Variants in TECTB observed in about 807,000 individuals in gnomAD.
TECTB encodes tectorin beta, also known as beta-tectorin.
TECTB carries 45 observed loss-of-function variants against 43.3 expected under a neutral mutation model. The ratio of observed to expected loss-of-function variants is 1.04; its 90% CI spans 0.82 to 1.33. The LOEUF (loss-of-function observed/expected upper bound fraction) is 1.33. TECTB is among the 40% of genes most tolerant of loss of function. The probability of loss-of-function intolerance (pLI) is 0.00; values close to 1 mark genes in which losing one functional copy is unlikely to be tolerated. For synonymous variants in TECTB, 169 were observed against 156.7 expected, an observed-to-expected ratio of 1.08 and a Z score of -0.59; for missense variants, 399 against 404.7, an observed-to-expected ratio of 0.99 and a Z score of 0.12.
chr10:112,286,228 G>A lies in TECTB; in HGVS notation c.410+15G>A, dbSNP rs754152559. The A allele has an allele frequency of 2.7e-5, 44 of 1,614,154 alleles. No individual in the cohort carries two copies. Among genetic ancestry groups the A allele is most frequent in the Middle Eastern group, 1.7e-4 (1 of 6,058 alleles). ...TTTGACCAGAGGTAAGTTGCTGTGC[G>A]GCATGGAGGGCTGGCTGCCTCATGT... is the stretch of plus-strand genomic sequence containing the variant. On this transcript the variant is annotated intron_variant, in intron 4 of 10. Transcript: ENST00000646139.
intron 9 of TECTB, among the ~76,000 whole-genome samples, chr10:112,300,753 T>C (rs868276141): frequency 3.9e-5 from 6 of 152,212 alleles, no homozygotes; most frequent in Admixed American, 2.0e-4. Context: ...GCTCAACTAG[T>C]ATAATGCAAA....
chr10:112,303,598 C>A lies in TECTB; in HGVS notation c.*286C>A. 1 of 434,754 alleles carries A rather than the reference C, an allele frequency of 2.3e-6. No individual in the cohort carries two copies. Among genetic ancestry groups the A allele is most frequent in the Non-Finnish European group, 4.1e-6 (1 of 241,492 alleles). The allele number at this position is 434,754 out of a possible 1,614,324, so 26.9% of individuals were successfully genotyped here. A position where few individuals can be genotyped will look rare whatever the true frequency, so the allele number is the denominator to read the frequency against. On this transcript the variant is annotated 3_prime_UTR_variant, in exon 11 of 11. Coordinates refer to ENST00000646139, the MANE Select transcript of TECTB (RefSeq NM_058222.3). ...ACTCAAGTCAGGGCTGCAGTAAATT[C>A]CTTTGAAAGCTATTTTAACTTTAAA...
rs1464509921 is a variant in TECTB at position 112,284,617 on chromosome 10, G to A, written c.159G>A (p.Leu53=). The stretch of plus-strand genomic sequence containing the variant: ...CCTATGGATGGGAAGTTCATCAGCT[G>A]GCCCTCGGAGGGCTGTGTTACAATG... The part of the protein sequence containing the change: ...ECPYGWEVHQ[L]ALGGLCYNGV... The change falls in exon 3 of 11, where the codon CTG becomes CTA. Residue 53 remains leucine, a synonymous_variant. Transcript: ENST00000646139. The A allele has an allele frequency of 6.2e-7, 1 of 1,613,766 alleles. No homozygotes were observed. The highest frequency in any genetic ancestry group is 8.5e-7 in the Non-Finnish European group (1 of 1,179,846).
intron 5 of TECTB, among the ~76,000 whole-genome samples, chr10:112,288,989 C>G (rs909633684): frequency 1.3e-5 from 2 of 152,212 alleles, no homozygotes; most frequent in Non-Finnish European, 2.9e-5. Flanking sequence ...CTTGTTCCAT[C>G]ATTTACTAGT....
chr10:112,298,492 G>A (rs1012321730), intron 8 of TECTB, among the ~76,000 whole-genome samples: 2 of 152,186 alleles, frequency 1.3e-5, no homozygotes, highest in African/African-American at 2.4e-5. Context: ...TAAGCAAAGT[G>A]TGTTAAGTAA....
intron 5 of TECTB, among the ~76,000 whole-genome samples, chr10:112,292,060 C>T (rs534945567): frequency 2.0e-5 from 3 of 151,060 alleles, no homozygotes; most frequent in East Asian, 3.9e-4. Context: ...GGCGTGAACC[C>T]GGGAGGCAGA....
At chr10:112,285,987 G>T in intron 3 of TECTB, 84 bp from the exon 4 acceptor site, 1 of 1,558,792 alleles carries the variant, frequency 6.4e-7, no homozygotes, top group Non-Finnish European at 8.7e-7. Context: ...TTGTTTTTGA[G>T]CCATCTTCTT....
rs373844060 is a variant in TECTB at position 112,293,958 on chromosome 10, C to T, written c.588-20C>T. ...TAAGATTCTCTGTTTCAAAGTGATG[C>T]CATTTTGTTTTATTTCCAGGTTTAA... On this transcript the variant is annotated intron_variant, in intron 6 of 10. Transcript: ENST00000646139. The T allele has an allele frequency of 2.3e-4, 366 of 1,613,150 alleles. 1 individual carries two copies. The highest frequency in any genetic ancestry group is 2.9e-4 in the Non-Finnish European group (347 of 1,179,128).
rs1478394038 is a variant in TECTB at position 112,300,226 on chromosome 10, GAAAT to G, written c.907+666_907+669del. On this transcript the variant is annotated intron_variant, in intron 9 of 10. Transcript: ENST00000646139. ...AGAGAGACAGACAGACAGACAGAAA[GAAAT>G]AAAGAAAGAAAGAAAGAAAGAAAGA... 8.4e-3 allele frequency among the ~76,000 whole-genome samples: 401 copies of G among 47,556 alleles called. 16 individuals are homozygous for G. The South Asian group carries it at 0.11, about 13-fold the overall frequency. The allele number at this position is 47,556 out of a possible 152,430, so 31.2% of individuals were successfully genotyped here.
At chr10:112,289,975 G>A (rs1044820175) in intron 5 of TECTB, among the ~76,000 whole-genome samples, 1 of 152,108 alleles carries the variant, frequency 6.6e-6, no homozygotes, top group Non-Finnish European at 1.5e-5. Context: ...TGACTCAACC[G>A]TTCACAACTG....
intron 9 of TECTB, chr10:112,299,785 C>T (rs186648070): frequency 1.6e-4 from 84 of 535,104 alleles, no homozygotes; most frequent in African/African-American, 1.3e-3. Context: ...GTTCTAACTG[C>T]ACCCTAAATT....
At chr10:112,293,672 G>A (rs935621894) in intron 5 of TECTB, 66 bp from the exon 6 acceptor site, 15 of 1,439,840 alleles carry the variant, frequency 1.0e-5, no homozygotes, top group African/African-American at 2.8e-5. Context: ...CAATTCATCT[G>A]CTCCTGGTAG....
chr10:112,286,209 C>G lies in TECTB; in HGVS notation c.406C>G (p.Gln136Glu). The G allele has an allele frequency of 6.2e-7, 1 of 1,614,130 alleles. No homozygotes were observed. Among genetic ancestry groups the G allele is most frequent in the Non-Finnish European group, 8.5e-7 (1 of 1,180,004 alleles). ...CTTGGTGAACCAGGCTGCCTTTGAC[C>G]AGAGGTAAGTTGCTGTGCGGCATGG... ...TYLVNQAAFD[Q>E]RVATVHVKNG... Residue 136 changes from glutamine to glutamate, a missense_variant, in exon 4 of 11, where the codon CAG (glutamine) becomes GAG (glutamate). Gln to Glu is a conservative substitution (Grantham distance 29). Coordinates refer to ENST00000646139, the MANE Select transcript of TECTB (RefSeq NM_058222.3).
At position 112,294,055 on chromosome 10, in the gene TECTB, A is replaced by G. The variant is rs761564914; in HGVS notation, c.665A>G (p.Asn222Ser). Reference protein sequence around the residue: ...FMYPLQWQLINKGCPTDETVL... With the variant: ...FMYPLQWQLISKGCPTDETVL... ...TATCCCTTGCAGTGGCAGCTGATCA[A>G]CAAGGGGTAGGTACACTATCTAGAG... Residue 222 changes from asparagine to serine, a missense_variant, in exon 7 of 11, where the codon AAC becomes AGC. By Grantham distance (46) the Asn-to-Ser change is conservative. Coordinates refer to ENST00000646139, the MANE Select transcript of TECTB (RefSeq NM_058222.3). The G allele has an allele frequency of 1.9e-6, 3 of 1,613,926 alleles. No homozygotes were observed. Among genetic ancestry groups the G allele is most frequent in the South Asian group, 1.1e-5 (1 of 91,072 alleles).
rs750558641 is a variant in TECTB at position 112,286,213 on chromosome 10, G to A, written c.410G>A (p.Arg137Lys). The A allele has an allele frequency of 5.0e-6, 8 of 1,614,062 alleles. No homozygotes were observed. In the South Asian group the frequency reaches 8.8e-5, roughly 18 times the overall value. Residue 137 changes from arginine (R) to lysine (K), a missense_variant and splice_region_variant, in exon 4 of 11, where the codon AGA becomes AAA. Coordinates refer to ENST00000646139, the MANE Select transcript of TECTB (RefSeq NM_058222.3). ...GTGAACCAGGCTGCCTTTGACCAGA[G>A]GTAAGTTGCTGTGCGGCATGGAGGG... ...YLVNQAAFDQ[R>K]VATVHVKNGS...
Position 112,284,761 on chromosome 10 carries a change from G to C in TECTB, c.267+36G>C, listed in dbSNP as rs188645094. On this transcript the variant is annotated intron_variant, in intron 3 of 10. Transcript: ENST00000646139. ...GCCACACAGTGCAGAGTTGTTTAAGGTAAGGCAACTGGACCCAAGAATGAG... is the reference window on the plus strand; with the variant it reads ...GCCACACAGTGCAGAGTTGTTTAAGCTAAGGCAACTGGACCCAAGAATGAG... 5.4e-4 allele frequency: 772 copies of C among 1,436,576 alleles called. 2 individuals are homozygous for C. Among genetic ancestry groups the C allele is most frequent in the Admixed American group, 2.4e-3 (91 of 38,474 alleles). 89.0% of individuals were successfully genotyped at this position (1,436,576 alleles called of 1,614,324 possible). A position where few individuals can be genotyped will look rare whatever the true frequency, so the allele number is the denominator to read the frequency against.
chr10:112,287,281 T>C (rs1848462807), intron 5 of TECTB, among the ~76,000 whole-genome samples: 1 of 152,232 alleles, frequency 6.6e-6, no homozygotes, highest in Admixed American at 6.5e-5. Context: ...AGGCACACTT[T>C]GGTCTCTCTC....
chr10:112,295,051 T>G (rs1267477983), intron 7 of TECTB, among the ~76,000 whole-genome samples: 8 of 152,292 alleles, frequency 5.3e-5, no homozygotes, highest in African/African-American at 1.9e-4. Context: ...TGTCCAGAAG[T>G]ACTTAGAATT....
chr10:112,289,765 C>T (rs913609319), intron 5 of TECTB, among the ~76,000 whole-genome samples: 1 of 152,100 alleles, frequency 6.6e-6, no homozygotes, highest in Admixed American at 6.5e-5. Context: ...ATATTCTAGA[C>T]TTTATCAGAC....
Sources: gnomAD v4.1 joint callset for allele counts (sites outside exome capture counted in the v4.1 genomes callset) on GRCh38, gnomAD v4.1.1 for gene constraint, MANE v1.5 for transcripts, NCBI Gene and HGNC (gene_info 2026-07-23, HGNC 2026-07-21) for gene names.